SORCS2: variants seen among roughly 807,000 people sequenced by gnomAD.
SORCS2 encodes sortilin related VPS10 domain containing receptor 2.
SORCS2 carries 100 observed loss-of-function variants against 141.6 expected under a neutral mutation model. The ratio of observed to expected loss-of-function variants is 0.71; its 90% CI spans 0.60 to 0.83. SORCS2 has a LOEUF of 0.83. Ranked by LOEUF, SORCS2 falls within the 40% of genes least tolerant of loss-of-function variation. The probability of loss-of-function intolerance (pLI) is 0.00; values close to 1 mark genes in which losing one functional copy is unlikely to be tolerated. For missense variants in SORCS2, 1,646 were observed against 1,560.2 expected, an observed-to-expected ratio of 1.05 and a Z score of -0.93; for synonymous variants, 789 against 676.9, an observed-to-expected ratio of 1.17 and a Z score of -2.57.
chr4:7,226,493 A>G lies in SORCS2; in HGVS notation c.480+33367A>G, dbSNP rs1335607255. Among the ~76,000 whole-genome samples, 3 of 151,868 alleles carry G rather than the reference A, an allele frequency of 2.0e-5. No homozygotes were observed. In the East Asian group the frequency reaches 5.8e-4, roughly 29 times the overall value. On this transcript the variant is annotated intron_variant, in intron 1 of 26. Transcript: ENST00000507866. ...TCCAGACGTCTGTGACGGCCGGGTG[A>G]GTGGGGGTTGGGGGGAATGTATGAG... is the stretch of plus-strand genomic sequence containing the variant.
chr4:7,253,716 G>C (rs1404217358), intron 1 of SORCS2, among the ~76,000 whole-genome samples: 2 of 152,226 alleles, frequency 1.3e-5, no homozygotes, highest in African/African-American at 4.8e-5. Flanking sequence ...CTCCTGAGGG[G>C]CCAGGGAGGA....
intron 2 of SORCS2, among the ~76,000 whole-genome samples, chr4:7,419,022 G>T (rs1725875493): frequency 2.6e-5 from 4 of 152,192 alleles, no homozygotes; most frequent in African/African-American, 9.6e-5. Context: ...GCATGGACTT[G>T]GAAGTCACGT....
At chr4:7,381,251 G>C (rs1722978377) in intron 1 of SORCS2, among the ~76,000 whole-genome samples, 1 of 152,198 alleles carries the variant, frequency 6.6e-6, no homozygotes, top group South Asian at 2.1e-4. Context: ...GCTCTCTTTG[G>C]AGGGGATGGC....
At chr4:7,262,497 C>T (rs1325778868) in intron 1 of SORCS2, among the ~76,000 whole-genome samples, 3 of 152,080 alleles carry the variant, frequency 2.0e-5, no homozygotes, top group South Asian at 2.1e-4. Context: ...AGACATAGGC[C>T]CCTGTCCTCT....
chr4:7,251,382 C>A (rs556997377), intron 1 of SORCS2, among the ~76,000 whole-genome samples: 1 of 152,212 alleles, frequency 6.6e-6, no homozygotes, highest in South Asian at 2.1e-4. Context: ...ATATTCAAAA[C>A]GTGGAGAGAG....
chr4:7,349,499 G>A (rs1253363142), intron 1 of SORCS2, among the ~76,000 whole-genome samples: 2 of 152,064 alleles, frequency 1.3e-5, no homozygotes, highest in Non-Finnish European at 2.9e-5. Context: ...GGAGGTCACC[G>A]GGTCATGGGG....
chr4:7,716,245 G>A (rs1371523313), intron 17 of SORCS2, among the ~76,000 whole-genome samples: 1 of 152,180 alleles, frequency 6.6e-6, no homozygotes, highest in Non-Finnish European at 1.5e-5. Context: ...CTTCCCCTGA[G>A]GGAACTTGAG....
In SORCS2 at chr4:7,253,740, C is replaced by T. The variant is rs971269817; in HGVS notation, c.480+60614C>T. On this transcript the variant is annotated intron_variant, in intron 1 of 26. Transcript: ENST00000507866. ...GGCCAGGGAGGATGTGCTGGCAAGG[C>T]AGCCCCTCCAGGTGGGCAGGAGGCC... Among the ~76,000 whole-genome samples, 6 of 152,216 alleles carry T rather than the reference C, an allele frequency of 3.9e-5. 1 individual carries two copies. Among genetic ancestry groups the T allele is most frequent in the Admixed American group, 3.9e-4 (6 of 15,288 alleles).
At chr4:7,544,632 C>G (rs552157391) in intron 3 of SORCS2, among the ~76,000 whole-genome samples, 55 of 152,382 alleles carry the variant, frequency 3.6e-4, no homozygotes, top group African/African-American at 1.3e-3. Flanking sequence ...TGGCTCCACC[C>G]TGAATTCTCT....
At chr4:7,348,545 T>C (rs964258430) in intron 1 of SORCS2, among the ~76,000 whole-genome samples, 4 of 152,152 alleles carry the variant, frequency 2.6e-5, no homozygotes, top group Non-Finnish European at 5.9e-5. Flanking sequence ...AATTTCAATC[T>C]TGTGTTGTTG....
chr4:7,346,067 C>G (rs1005070480), intron 1 of SORCS2, among the ~76,000 whole-genome samples: 18 of 152,152 alleles, frequency 1.2e-4, no homozygotes, highest in African/African-American at 4.3e-4. Flanking sequence ...TATTTCTGCT[C>G]TGATCTTTGT....
chr4:7,503,861 A>G (rs1158351199), intron 2 of SORCS2, among the ~76,000 whole-genome samples: 2 of 152,196 alleles, frequency 1.3e-5, no homozygotes, highest in African/African-American at 2.4e-5. Context: ...ACCACAGGCT[A>G]GATGCCAAGC....
At chr4:7,718,538 A>T (rs1726359162) in intron 18 of SORCS2, among the ~76,000 whole-genome samples, 1 of 152,244 alleles carries the variant, frequency 6.6e-6, no homozygotes. Flanking sequence ...TACATTTTTA[A>T]AGCCTGTAAT....
intron 2 of SORCS2, among the ~76,000 whole-genome samples, chr4:7,446,963 C>A (rs1262825083): frequency 6.6e-6 from 1 of 152,210 alleles, no homozygotes; most frequent in Non-Finnish European, 1.5e-5. Context: ...CACCTTCAGC[C>A]GGGCTGTCTC....
At chr4:7,651,850 G>A (rs75303152) in intron 4 of SORCS2, among the ~76,000 whole-genome samples, 2,745 of 152,342 alleles carry the variant, frequency 0.018, 84 homozygotes, top group African/African-American at 0.062. Flanking sequence ...GCCACTCCTG[G>A]ATTCCTTAGC....
chr4:7,707,377 G>GA (rs527748444), intron 14 of SORCS2, among the ~76,000 whole-genome samples: 2 of 152,190 alleles, frequency 1.3e-5, no homozygotes, highest in Admixed American at 1.3e-4. Context: ...TTAGCAACAA[G>GA]AAGCCATCAG....
chr4:7,703,092 C>G (rs1725182971), intron 12 of SORCS2, among the ~76,000 whole-genome samples, 188 bp from the exon 13 acceptor site: 1 of 152,234 alleles, frequency 6.6e-6, no homozygotes, highest in African/African-American at 2.4e-5. Flanking sequence ...CCAGGGTGCG[C>G]TGAGTCCGCG....
At chr4:7,612,510 C>T (rs1018314554) in intron 3 of SORCS2, among the ~76,000 whole-genome samples, 8 of 152,050 alleles carry the variant, frequency 5.3e-5, no homozygotes, top group Non-Finnish European at 7.4e-5. Context: ...GGGGTGTGGC[C>T]GGGCTTGGGC....
At chr4:7,338,443 GATGA>G (rs1720161118) in intron 1 of SORCS2, among the ~76,000 whole-genome samples, 1 of 152,130 alleles carries the variant, frequency 6.6e-6, no homozygotes, top group Non-Finnish European at 1.5e-5. Flanking sequence ...TGGATGGATG[GATGA>G]ATGGCCTGCC....
Sources: allele counts gnomAD v4.1 joint callset (sites outside exome capture counted in the v4.1 genomes callset), GRCh38; gene constraint gnomAD v4.1.1; transcripts MANE v1.5; gene names NCBI Gene and HGNC (gene_info 2026-07-23, HGNC 2026-07-21).